The following FRMD5 variants were observed in gnomAD, a reference collection of about 807,000 sequenced individuals.
FRMD5 encodes FERM domain containing 5.
Under a neutral mutation model 69.0 loss-of-function variants are expected in FRMD5, and 20 were observed. The observed-to-expected ratio is 0.29, with a 90% CI of 0.20 to 0.42. The LOEUF (loss-of-function observed/expected upper bound fraction) is 0.42, where lower values mean the gene tolerates loss of function less well. FRMD5 is among the 10% of genes least tolerant of loss of function. The probability of loss-of-function intolerance (pLI) is 1.00; values close to 1 mark genes in which losing one functional copy is unlikely to be tolerated. For missense variants in FRMD5, 595 were observed against 708.6 expected, an observed-to-expected ratio of 0.84 and a Z score of 1.82; for synonymous variants, 271 against 260.1, an observed-to-expected ratio of 1.04 and a Z score of -0.40.
chr15:44,038,714 C>T (rs1892040850), intron 1 of FRMD5, among the ~76,000 whole-genome samples: 1 of 151,814 alleles, frequency 6.6e-6, no homozygotes, highest in African/African-American at 2.4e-5. Context: ...CGAGCTGAAG[C>T]AGGGTGGGGC....
chr15:43,873,646 G>A lies in FRMD5; in HGVS notation c.*239C>T, dbSNP rs775140427. On this transcript the variant is annotated 3_prime_UTR_variant, in exon 14 of 14. Coordinates refer to ENST00000417257, the MANE Select transcript of FRMD5 (RefSeq NM_032892.5). Reference sequence around the variant, plus strand: ...AATTGGAAAGATGAGAAACAGAGTCGCTGAGCCTTTCTTGAAATAACTTCT... The same window carrying A: ...AATTGGAAAGATGAGAAACAGAGTCACTGAGCCTTTCTTGAAATAACTTCT... 3.8e-5 allele frequency: 57 copies of A among 1,489,996 alleles called. No homozygotes were observed. The South Asian group carries it at 5.2e-4, about 14-fold the overall frequency. The allele number at this position is 1,489,996 out of a possible 1,614,324, so 92.3% of individuals were successfully genotyped here.
intron 1 of FRMD5, among the ~76,000 whole-genome samples, chr15:43,936,423 T>A (rs1454841188): frequency 6.6e-6 from 1 of 152,204 alleles, no homozygotes; most frequent in Non-Finnish European, 1.5e-5. Context: ...ACTCCTGGGC[T>A]CAAGGGGTCC....
At chr15:44,122,898 AT>A (rs1225970648) in intron 1 of FRMD5, among the ~76,000 whole-genome samples, 2 of 135,102 alleles carry the variant, frequency 1.5e-5, no homozygotes, top group Non-Finnish European at 3.3e-5. Flanking sequence ...ATCAAAAAAA[AT>A]TTAAAAAAAA....
At chr15:44,022,104 T>C (rs118035086) in intron 1 of FRMD5, among the ~76,000 whole-genome samples, 2,771 of 152,244 alleles carry the variant, frequency 0.018, 49 homozygotes, top group Non-Finnish European at 0.029. Flanking sequence ...GGACAGAAAG[T>C]AGAAGAGTGG....
intron 1 of FRMD5, among the ~76,000 whole-genome samples, chr15:43,971,381 C>G (rs2090374835): frequency 6.6e-6 from 1 of 152,080 alleles, no homozygotes; most frequent in Non-Finnish European, 1.5e-5. Flanking sequence ...GAGAGTACAT[C>G]TGCTACTATT....
chr15:43,972,883 A>G (rs1312937543), intron 1 of FRMD5, among the ~76,000 whole-genome samples: 1 of 152,238 alleles, frequency 6.6e-6, no homozygotes, highest in Non-Finnish European at 1.5e-5. Context: ...CCAGGCTTCT[A>G]CATGATTGCT....
At chr15:44,158,662 T>C (rs1355785256) in intron 1 of FRMD5, among the ~76,000 whole-genome samples, 2 of 152,194 alleles carry the variant, frequency 1.3e-5, no homozygotes, top group African/African-American at 4.8e-5. Flanking sequence ...CAAAAACAAA[T>C]TTCCATGAAT....
intron 1 of FRMD5, among the ~76,000 whole-genome samples, chr15:44,158,835 CAG>C (rs1463566418): frequency 6.6e-6 from 1 of 152,082 alleles, no homozygotes; most frequent in African/African-American, 2.4e-5. Context: ...GCTAAGGATG[CAG>C]AGATAAAAGA....
chr15:44,158,579 A>G (rs538593273), intron 1 of FRMD5, among the ~76,000 whole-genome samples: 1 of 152,202 alleles, frequency 6.6e-6, no homozygotes, highest in Non-Finnish European at 1.5e-5. Flanking sequence ...CTCATGACCC[A>G]ACCCATTACT....
chr15:43,880,942 G>T (rs527547606), intron 13 of FRMD5, among the ~76,000 whole-genome samples: 1 of 152,218 alleles, frequency 6.6e-6, no homozygotes, highest in Non-Finnish European at 1.5e-5. Flanking sequence ...ATGGGGACCT[G>T]ACTCAGCCTC....
intron 1 of FRMD5, among the ~76,000 whole-genome samples, chr15:44,024,845 C>T (rs2140263442): frequency 6.6e-6 from 1 of 152,330 alleles, no homozygotes; most frequent in South Asian, 2.1e-4. Context: ...AGTCAAGTGT[C>T]AGGCACAGAT....
intron 1 of FRMD5, among the ~76,000 whole-genome samples, chr15:44,164,686 C>A (rs1359541315): frequency 6.6e-6 from 1 of 152,336 alleles, no homozygotes; most frequent in East Asian, 1.9e-4. Context: ...ACTTTCCCAG[C>A]CTCCCCTACA....
upstream of FRMD5, among the ~76,000 whole-genome samples, chr15:44,196,307 C>CA (rs1286941678): frequency 1.3e-5 from 2 of 151,784 alleles, no homozygotes; most frequent in East Asian, 1.9e-4. Flanking sequence ...ACTAAAAATA[C>CA]AAAAAAATTA....
At chr15:44,191,173 C>CA (rs2078186342) in intron 1 of FRMD5, among the ~76,000 whole-genome samples, 2 of 152,144 alleles carry the variant, frequency 1.3e-5, no homozygotes, top group African/African-American at 2.4e-5. Flanking sequence ...TCAGTAATCA[C>CA]AAAAAACTGA....
intron 1 of FRMD5, among the ~76,000 whole-genome samples, chr15:44,125,536 TC>T (rs1358937394): frequency 2.0e-5 from 3 of 152,160 alleles, no homozygotes; most frequent in Non-Finnish European, 4.4e-5. Flanking sequence ...TTGCTTTACC[TC>T]AGGGCCTATG....
intron 1 of FRMD5, among the ~76,000 whole-genome samples, chr15:43,951,385 G>A (rs1374195284): frequency 2.0e-5 from 3 of 148,672 alleles, no homozygotes; most frequent in Non-Finnish European, 4.4e-5. Flanking sequence ...TCGCGCCACT[G>A]CACTCCAGCC....
chr15:44,091,325 T>C (rs1197278761), intron 1 of FRMD5, among the ~76,000 whole-genome samples: 1 of 152,168 alleles, frequency 6.6e-6, no homozygotes, highest in Non-Finnish European at 1.5e-5. Context: ...TTTACATATA[T>C]AGCCTGATAT....
rs141704011 is a variant in FRMD5, at chr15:43,873,360, T to TAAACAAAC, written c.*524_*525insGTTTGTTT. 1.3e-5 allele frequency: 19 copies of TAAACAAAC among 1,468,484 alleles called. No homozygotes were observed. The highest frequency in any genetic ancestry group is 2.5e-5 in the East Asian group (1 of 40,260). 91.0% of individuals were successfully genotyped at this position (1,468,484 alleles called of 1,614,324 possible). A position where few individuals can be genotyped will look rare whatever the true frequency, so the allele number is the denominator to read the frequency against. The stretch of plus-strand genomic sequence containing the variant: ...CTGGCAAAAAAAACAAACAAAAAAC[T>TAAACAAAC]AAACAGTCCCCATTGTCCAGATCCC... On this transcript the variant is annotated 3_prime_UTR_variant, in exon 14 of 14. Transcript: ENST00000417257.
chr15:44,036,355 TA>T lies in FRMD5; in HGVS notation c.103-112047del, dbSNP rs1190087309. The stretch of plus-strand genomic sequence containing the variant: ...GCTCAACATTCTCTTATCTTCAAAT[TA>T]AAAAAAAAAAACCCTCCTGGGTCCC... On this transcript the variant is annotated intron_variant, in intron 1 of 13. Coordinates refer to ENST00000417257, the MANE Select transcript of FRMD5 (RefSeq NM_032892.5). 8.4e-3 allele frequency among the ~76,000 whole-genome samples: 1,210 copies of T among 143,276 alleles called. 4 individuals carry two copies. Among genetic ancestry groups the T allele is most frequent in the Middle Eastern group, 0.011 (3 of 284 alleles). The allele number at this position is 143,276 out of a possible 152,430, so 94.0% of individuals were successfully genotyped here. A position where few individuals can be genotyped will look rare whatever the true frequency, so the allele number is the denominator to read the frequency against.
Sources: allele counts gnomAD v4.1 joint callset (sites outside exome capture counted in the v4.1 genomes callset), GRCh38; gene constraint gnomAD v4.1.1; transcripts MANE v1.5; gene names NCBI Gene and HGNC (gene_info 2026-07-23, HGNC 2026-07-21).